The following CALN1 variants were observed in gnomAD, a reference collection of about 807,000 sequenced individuals.
CALN1 encodes calcium-binding protein 8.
A neutral mutation model predicts 30.6 loss-of-function variants in CALN1; 17 were observed. That is an observed-to-expected ratio of 0.56 (90% CI 0.38 to 0.83). CALN1 has a LOEUF of 0.83. CALN1 is among the 40% of genes least tolerant of loss of function. The probability of loss-of-function intolerance (pLI) is 0.00; values close to 1 mark genes in which losing one functional copy is unlikely to be tolerated. For missense variants in CALN1, 291 were observed against 354.9 expected (o/e 0.82, Z 1.45); for synonymous variants, 156 against 131.4 (o/e 1.19, Z -1.28).
chr7:71,944,690 C>T (rs1562925292), intron 5 of CALN1, among the ~76,000 whole-genome samples: 2 of 150,016 alleles, frequency 1.3e-5, no homozygotes, highest in Non-Finnish European at 3.0e-5. Flanking sequence ...AAACTAATTG[C>T]TATCAAAATG....
chr7:72,404,988 A>C (rs1806602975), intron 1 of CALN1, among the ~76,000 whole-genome samples: 1 of 152,166 alleles, frequency 6.6e-6, no homozygotes, highest in South Asian at 2.1e-4. Flanking sequence ...TTTCCATCTG[A>C]ACCAGAAACC....
At position 72,408,292 on chromosome 7, in the gene CALN1, T is replaced by A. The variant is rs75374761; in HGVS notation, c.-74+3766A>T. ...TATTAAAAAAAAAAAAAAAAAAAAA[T>A]TAGTAGTGCGTGGTGGCTCACGCTT... On this transcript the variant is annotated intron_variant, in intron 1 of 6. Transcript: ENST00000395275. Among the ~76,000 whole-genome samples the A allele has an allele frequency of 6.7e-3, 865 of 129,814 alleles. 9 individuals are homozygous for A. The highest frequency in any genetic ancestry group is 0.023 in the African/African-American group (839 of 35,996). 85.2% of individuals were successfully genotyped at this position (129,814 alleles called of 152,430 possible).
At chr7:72,190,203 C>A (rs1790504346) in intron 3 of CALN1, among the ~76,000 whole-genome samples, 1 of 152,028 alleles carries the variant, frequency 6.6e-6, no homozygotes, top group East Asian at 1.9e-4. Context: ...TAAAAACATA[C>A]AAATTAGCTG....
At chr7:72,121,478 A>C (rs1808390313) in intron 3 of CALN1, among the ~76,000 whole-genome samples, 1 of 147,516 alleles carries the variant, frequency 6.8e-6, no homozygotes, top group Non-Finnish European at 1.5e-5. Flanking sequence ...ATAGATATAT[A>C]ATTATGTTAT....
chr7:71,821,538 G>C (rs1174345303), intron 5 of CALN1, among the ~76,000 whole-genome samples: 2 of 152,052 alleles, frequency 1.3e-5, no homozygotes, highest in Non-Finnish European at 2.9e-5. Flanking sequence ...CACCAGAACG[G>C]TATGGGGGAA....
intron 5 of CALN1, among the ~76,000 whole-genome samples, chr7:71,967,603 G>A (rs1468761698): frequency 1.4e-5 from 2 of 143,712 alleles, no homozygotes; most frequent in African/African-American, 2.6e-5. Context: ...TCCAGCCTGG[G>A]CGACAGAGTG....
At chr7:71,956,658 G>A (rs994794077) in intron 5 of CALN1, among the ~76,000 whole-genome samples, 1 of 151,376 alleles carries the variant, frequency 6.6e-6, no homozygotes, top group Non-Finnish European at 1.5e-5. Flanking sequence ...TAGCAGTGCA[G>A]GCACACAGCA....
At chr7:72,146,141 G>C (rs981901350) in intron 3 of CALN1, among the ~76,000 whole-genome samples, 2 of 152,168 alleles carry the variant, frequency 1.3e-5, no homozygotes, top group African/African-American at 4.8e-5. Flanking sequence ...GCAGGAGAAA[G>C]AAATAAAGGG....
intron 2 of CALN1, among the ~76,000 whole-genome samples, chr7:72,401,944 A>G (rs1279728807): frequency 2.0e-5 from 3 of 151,904 alleles, no homozygotes; most frequent in African/African-American, 7.3e-5. Context: ...ACATCCTTTC[A>G]TTTATCCTAG....
At chr7:72,249,955 A>AG (rs1289636331) in intron 3 of CALN1, among the ~76,000 whole-genome samples, 1 of 150,194 alleles carries the variant, frequency 6.7e-6, no homozygotes, top group African/African-American at 2.5e-5. Flanking sequence ...CCAAAAAAAA[A>AG]AAAAAGAGAG....
chr7:72,437,587 T>G (rs1808203856), intron 1 of CALN1, among the ~76,000 whole-genome samples: 1 of 152,022 alleles, frequency 6.6e-6, no homozygotes, highest in Non-Finnish European at 1.5e-5. Context: ...CTTTGCTTGC[T>G]TTAACTATCT....
At chr7:72,276,228 G>A (rs1797324342) in intron 3 of CALN1, among the ~76,000 whole-genome samples, 1 of 152,148 alleles carries the variant, frequency 6.6e-6, no homozygotes, top group Non-Finnish European at 1.5e-5. Context: ...TGAGCCTGGA[G>A]GATCTACTCA....
chr7:71,860,512 T>G (rs1402435679), intron 5 of CALN1, among the ~76,000 whole-genome samples: 1 of 152,150 alleles, frequency 6.6e-6, no homozygotes, highest in Non-Finnish European at 1.5e-5. Flanking sequence ...TTTATTCCTT[T>G]ACTTTCTTAA....
At chr7:72,352,491 A>C (rs1802985630) in intron 2 of CALN1, among the ~76,000 whole-genome samples, 2 of 152,130 alleles carry the variant, frequency 1.3e-5, no homozygotes, top group Middle Eastern at 3.2e-3. Flanking sequence ...AGTAATAAGA[A>C]GACACCTTAA....
At chr7:72,134,379 T>G (rs1183927872) in intron 3 of CALN1, among the ~76,000 whole-genome samples, 1 of 152,166 alleles carries the variant, frequency 6.6e-6, no homozygotes, top group Non-Finnish European at 1.5e-5. Context: ...AGGAAACTTT[T>G]CAGATGGGAG....
At chr7:71,965,831 C>CTGGGG (rs1797504031) in intron 5 of CALN1, among the ~76,000 whole-genome samples, 1 of 152,056 alleles carries the variant, frequency 6.6e-6, no homozygotes. Flanking sequence ...TTGAGTGATT[C>CTGGGG]CTAAATAATT....
intron 3 of CALN1, among the ~76,000 whole-genome samples, chr7:72,232,607 C>T (rs534219360): frequency 4.2e-3 from 354 of 83,772 alleles, no homozygotes; most frequent in Middle Eastern, 5.5e-3. Context: ...ATTACAAGCA[C>T]CTGCCACCAT....
At chr7:72,051,634 T>G (rs1179695221) in intron 4 of CALN1, among the ~76,000 whole-genome samples, 1 of 152,024 alleles carries the variant, frequency 6.6e-6, no homozygotes, top group African/African-American at 2.4e-5. Flanking sequence ...AACCAACACA[T>G]CTCACATGCA....
At chr7:72,485,712 A>C in the CALN1 span, among the ~76,000 whole-genome samples, 1 of 152,202 alleles carries the variant, frequency 6.6e-6, no homozygotes, top group Non-Finnish European at 1.5e-5. Flanking sequence ...CTCTATTAAA[A>C]ATACAAAAAT....
Sources: allele counts gnomAD v4.1 joint callset (sites outside exome capture counted in the v4.1 genomes callset), GRCh38; gene constraint gnomAD v4.1.1; transcripts MANE v1.5; gene names NCBI Gene and HGNC (gene_info 2026-07-23, HGNC 2026-07-21).